Variants in ANGEL2 observed in about 807,000 individuals in gnomAD.
ANGEL2 encodes the protein angel homolog 2.
ANGEL2 carries 41 observed loss-of-function variants against 66.0 expected under a neutral mutation model. That is an observed-to-expected ratio of 0.62 (90% CI 0.48 to 0.81). The LOEUF (loss-of-function observed/expected upper bound fraction) is 0.81, where lower values mean the gene tolerates loss of function less well. ANGEL2 is among the 30% of genes least tolerant of loss of function. The pLI is 0.00. For synonymous variants in ANGEL2, 208 were observed against 226.5 expected (o/e 0.92, Z 0.73); for missense variants, 561 against 641.6 (o/e 0.87, Z 1.36).
In ANGEL2 at chr1:213,007,245, T is replaced by C. The variant is rs370230387; in HGVS notation, c.643-47A>G. ...GAATTAGAACACAGAGATGCAATCATGAATTTCCTGGTGCTTTTATCTTAA... is the reference window on the plus strand; with the variant it reads ...GAATTAGAACACAGAGATGCAATCACGAATTTCCTGGTGCTTTTATCTTAA... On this transcript the variant is annotated intron_variant, in intron 3 of 8. Coordinates refer to ENST00000366962, the MANE Select transcript of ANGEL2 (RefSeq NM_144567.5). 7 of 1,358,498 alleles carry C rather than the reference T, an allele frequency of 5.2e-6. No individual in the cohort carries two copies. The African/African-American group carries it at 6.0e-5, about 12-fold the overall frequency. The allele number at this position is 1,358,498 out of a possible 1,614,324, so 84.2% of individuals were successfully genotyped here. A position where few individuals can be genotyped will look rare whatever the true frequency, so the allele number is the denominator to read the frequency against.
intron 2 of ANGEL2, among the ~76,000 whole-genome samples, chr1:213,012,607 T>C (rs2076536836): frequency 6.6e-6 from 1 of 152,228 alleles, no homozygotes; most frequent in African/African-American, 2.4e-5. Flanking sequence ...ATGTAATAAA[T>C]GAAAATCTTA....
At chr1:213,000,739 G>C (rs766194955) in intron 6 of ANGEL2, 47 bp downstream of exon 6, 2 of 1,553,220 alleles carry the variant, frequency 1.3e-6, no homozygotes, top group Non-Finnish European at 1.7e-6. Flanking sequence ...TCTTCAAAGG[G>C]AACATGATTA....
In ANGEL2 at chr1:213,009,365, C is replaced by T. The variant is rs555611792; in HGVS notation, c.386-899G>A. 5.3e-5 allele frequency among the ~76,000 whole-genome samples: 8 copies of T among 152,066 alleles called. No homozygotes were observed. The South Asian group carries it at 8.3e-4, about 16-fold the overall frequency. On this transcript the variant is annotated intron_variant, in intron 2 of 8. Coordinates refer to ENST00000366962, the MANE Select transcript of ANGEL2 (RefSeq NM_144567.5). ...GCCATGGAAACCATGAAGAGAAACA[C>T]GGAATTTTTGGAGAATTTATGAGTT... is the stretch of plus-strand genomic sequence containing the variant.
intron 2 of ANGEL2, among the ~76,000 whole-genome samples, chr1:213,010,843 A>AT (rs1447218668): frequency 6.6e-6 from 1 of 152,170 alleles, no homozygotes; most frequent in Non-Finnish European, 1.5e-5. Context: ...ATGCATTAAG[A>AT]TTTTTATTGT....
Position 213,013,398 on chromosome 1 carries a change from T to C in ANGEL2, c.80A>G (p.His27Arg), listed in dbSNP as rs763313426. The C allele has an allele frequency of 1.2e-6, 2 of 1,613,102 alleles. No homozygotes were observed. Among genetic ancestry groups the C allele is most frequent in the Non-Finnish European group, 1.7e-6 (2 of 1,179,466 alleles). The change falls in exon 2 of 9, where the codon CAC (histidine) becomes CGC (arginine). Residue 27 changes from histidine to arginine, a missense_variant. Coordinates refer to ENST00000366962, the MANE Select transcript of ANGEL2 (RefSeq NM_144567.5). ...GRGRYPMFPH[H>R]SRSLGRDWTT... ...CCAGTCTCTGCCCAGACTCCTCGAG[T>C]GATGGGGAAACATGGGGTATCTAAA... is the stretch of plus-strand genomic sequence containing the variant.
At chr1:213,009,316 A>G (rs543294756) in intron 2 of ANGEL2, among the ~76,000 whole-genome samples, 7 of 152,348 alleles carry the variant, frequency 4.6e-5, no homozygotes, top group Non-Finnish European at 1.0e-4. Context: ...CCTACATCCT[A>G]TCATTAAAGA....
At chr1:213,004,865 CAAAAAAAAAAAAAAAA>C (rs60445711) in intron 5 of ANGEL2, among the ~76,000 whole-genome samples, 152 bp downstream of exon 5, 1 of 35,242 alleles carries the variant, frequency 2.8e-5, no homozygotes, top group Non-Finnish European at 4.9e-5. Context: ...GAGACTGTCT[CAAAAAAAAAAAAAAAA>C]AAAAAAAAAA....
chr1:212,998,995 T>C (rs565575812), intron 7 of ANGEL2, among the ~76,000 whole-genome samples: 22 of 152,150 alleles, frequency 1.4e-4, no homozygotes, highest in African/African-American at 5.3e-4. Flanking sequence ...ATACTCTGCC[T>C]CAGCCTACCT....
At chr1:213,007,259 C>A (rs2076360479) in intron 3 of ANGEL2, 61 bp from the exon 4 acceptor site, 2 of 1,278,324 alleles carry the variant, frequency 1.6e-6, no homozygotes, top group Non-Finnish European at 1.1e-6. Context: ...TTTCCTGGTG[C>A]TTTTATCTTA....
chr1:213,011,238 A>G (rs1442032497), intron 2 of ANGEL2: 1 of 1,289,372 alleles, frequency 7.8e-7, no homozygotes, highest in South Asian at 1.2e-5. Flanking sequence ...AGGTGATCAC[A>G]GCAGAGAAGA....
At position 213,015,696 on chromosome 1, in the gene ANGEL2, T is replaced by C. The variant is rs1009791262; in HGVS notation, c.-25A>G. 2 of 1,613,976 alleles carry C rather than the reference T, an allele frequency of 1.2e-6. No homozygotes were observed. Among genetic ancestry groups the C allele is most frequent in the African/African-American group, 2.7e-5 (2 of 74,910 alleles). The stretch of plus-strand genomic sequence containing the variant: ...TCTTCGCCCTCCGCGTGCGTCCAGT[T>C]CCCAGGCCCCGGGTTCCACCTCAAT... On this transcript the variant is annotated 5_prime_UTR_variant, in exon 1 of 9. Transcript: ENST00000366962.
At chr1:213,003,959 G>A (rs1297289571) in intron 5 of ANGEL2, among the ~76,000 whole-genome samples, 1 of 152,128 alleles carries the variant, frequency 6.6e-6, no homozygotes, top group African/African-American at 2.4e-5. Flanking sequence ...CAGCACTTTG[G>A]GAGGCCGAGG....
At chr1:213,014,199 C>T (rs544397864) in intron 1 of ANGEL2, among the ~76,000 whole-genome samples, 4 of 152,284 alleles carry the variant, frequency 2.6e-5, no homozygotes, top group African/African-American at 9.6e-5. Context: ...AATAAAGCAC[C>T]ATGTTCCTCT....
chr1:213,001,631 T>C (rs1343549743), intron 5 of ANGEL2: 1 of 152,258 alleles, frequency 6.6e-6, no homozygotes, highest in Admixed American at 6.5e-5. Context: ...AAGATTTTTC[T>C]GTAGCATCTG....
At chr1:213,015,533 C>CCCGGTTGT in intron 1 of ANGEL2, 80 bp downstream of exon 1, 4 of 1,533,114 alleles carry the variant, frequency 2.6e-6, no homozygotes, top group East Asian at 2.4e-5. Flanking sequence ...CGCCCCGCCC[C>CCCGGTTGT]GGGTTAGTCC....
chr1:212,995,878 A>AG (rs1257899776), intron 8 of ANGEL2, among the ~76,000 whole-genome samples: 1 of 152,170 alleles, frequency 6.6e-6, no homozygotes, highest in African/African-American at 2.4e-5. Context: ...AAAATGGAAG[A>AG]GAAAAAAATG....
intron 7 of ANGEL2, 60 bp downstream of exon 7, chr1:213,000,266 A>G (rs1572116937): frequency 6.8e-7 from 1 of 1,466,862 alleles, no homozygotes; most frequent in Non-Finnish European, 9.5e-7. Flanking sequence ...GATTTTTGAG[A>G]AATGAGTTTT....
intron 3 of ANGEL2, among the ~76,000 whole-genome samples, chr1:213,007,617 A>AT (rs2076372392): frequency 1.3e-5 from 2 of 152,200 alleles, no homozygotes; most frequent in Admixed American, 1.3e-4. Context: ...TGAATACTTA[A>AT]TATGTTGCCA....
intron 6 of ANGEL2, 168 bp from the exon 7 acceptor site, chr1:213,000,551 T>C: frequency 1.3e-6 from 1 of 765,198 alleles, no homozygotes; most frequent in Admixed American, 3.5e-5. Flanking sequence ...TTAGGAAAAA[T>C]AGAAAAATGC....
Sources: allele counts gnomAD v4.1 joint callset (sites outside exome capture counted in the v4.1 genomes callset), GRCh38; gene constraint gnomAD v4.1.1; transcripts MANE v1.5; gene names NCBI Gene and HGNC (gene_info 2026-07-23, HGNC 2026-07-21).